Variants in ZNF804A observed in about 807,000 individuals in gnomAD.
The protein encoded by ZNF804A is zinc finger protein 804A.
ZNF804A carries 2 observed loss-of-function variants against 16.5 expected under a neutral mutation model. That is an observed-to-expected ratio of 0.12 (90% confidence interval 0.05 to 0.38). The LOEUF is 0.38. Ranked by LOEUF, ZNF804A falls within the 10% of genes least tolerant of loss-of-function variation. ZNF804A has a pLI of 0.99. For missense variants in ZNF804A, 1,473 were observed against 1,390.7 expected (o/e 1.06, Z -0.94); for synonymous variants, 534 against 489.6 (o/e 1.09, Z -1.20).
intron 1 of ZNF804A, among the ~76,000 whole-genome samples, chr2:184,769,346 C>G (rs566247738): frequency 1.3e-5 from 2 of 152,102 alleles, no homozygotes; most frequent in African/African-American, 4.8e-5. Flanking sequence ...TGCCATTATT[C>G]TGAGGACATA....
At chr2:184,919,166 T>A (rs1438904023) in intron 2 of ZNF804A, among the ~76,000 whole-genome samples, 2 of 152,176 alleles carry the variant, frequency 1.3e-5, no homozygotes, top group African/African-American at 4.8e-5. Context: ...TTTGTGAGAA[T>A]CATTGAGTGC....
chr2:184,655,164 G>T (rs1250808407), intron 1 of ZNF804A, among the ~76,000 whole-genome samples: 1 of 152,146 alleles, frequency 6.6e-6, no homozygotes, highest in East Asian at 1.9e-4. Context: ...TGCCCAGATT[G>T]TTTGCATTCT....
intron 2 of ZNF804A, among the ~76,000 whole-genome samples, chr2:184,884,474 C>A (rs1274740629): frequency 6.6e-6 from 1 of 151,706 alleles, no homozygotes; most frequent in Non-Finnish European, 1.5e-5. Context: ...TGGAGCCAAA[C>A]AAGAGCCCAA....
intron 2 of ZNF804A, among the ~76,000 whole-genome samples, chr2:184,875,304 C>G (rs1696036987): frequency 6.6e-6 from 1 of 152,178 alleles, no homozygotes; most frequent in Admixed American, 6.5e-5. Context: ...GTGCTTGGAT[C>G]TCTGGGCTGA....
At chr2:184,682,166 A>G (rs1185415443) in intron 1 of ZNF804A, among the ~76,000 whole-genome samples, 1 of 152,114 alleles carries the variant, frequency 6.6e-6, no homozygotes, top group African/African-American at 2.4e-5. Context: ...TGATGGCAGG[A>G]GGCAGACACA....
intron 1 of ZNF804A, among the ~76,000 whole-genome samples, chr2:184,654,451 T>C (rs1314605727): frequency 6.6e-6 from 1 of 152,158 alleles, no homozygotes; most frequent in African/African-American, 2.4e-5. Context: ...GCAGAGGTTA[T>C]GGTTTGTTTT....
intron 1 of ZNF804A, among the ~76,000 whole-genome samples, chr2:184,852,298 A>AT (rs1402007490): frequency 1.3e-5 from 2 of 148,336 alleles, no homozygotes. Context: ...GCATTCACCT[A>AT]TTTTTTGGAT....
chr2:184,790,477 G>A lies in ZNF804A; in HGVS notation c.112-75892G>A, dbSNP rs1200529048. ...AGTATTATTTTATTACTATCAATCT[G>A]TTTTCTTAGATATAGCAGTATTTGT... On this transcript the variant is annotated intron_variant, in intron 1 of 3. Transcript: ENST00000302277. Among the ~76,000 whole-genome samples, 3 of 151,736 alleles carry A rather than the reference G, an allele frequency of 2.0e-5. No individual in the cohort carries two copies. In the East Asian group the frequency reaches 5.8e-4, roughly 29 times the overall value.
chr2:184,886,586 G>A (rs1247825293), intron 2 of ZNF804A, among the ~76,000 whole-genome samples: 1 of 152,208 alleles, frequency 6.6e-6, no homozygotes, highest in Non-Finnish European at 1.5e-5. Flanking sequence ...CTTTTGCCTG[G>A]GCATCCAGGC....
At chr2:184,793,887 C>G (rs1297444219) in intron 1 of ZNF804A, among the ~76,000 whole-genome samples, 1 of 152,100 alleles carries the variant, frequency 6.6e-6, no homozygotes, top group African/African-American at 2.4e-5. Context: ...CAATTGGCTG[C>G]AAATGCCATT....
intron 2 of ZNF804A, among the ~76,000 whole-genome samples, chr2:184,904,340 T>C (rs1211915295): frequency 6.6e-6 from 1 of 152,092 alleles, no homozygotes; most frequent in African/African-American, 2.4e-5. Flanking sequence ...AGTTAAAGTG[T>C]TATAGAATGA....
intron 1 of ZNF804A, among the ~76,000 whole-genome samples, chr2:184,713,753 C>T (rs977098354): frequency 6.6e-5 from 10 of 152,012 alleles, no homozygotes; most frequent in African/African-American, 1.9e-4. Flanking sequence ...TTAGTAACTA[C>T]GTGCTAGCTA....
chr2:184,870,916 T>A (rs17509622), intron 2 of ZNF804A, among the ~76,000 whole-genome samples: 4,814 of 151,956 alleles, frequency 0.032, 109 homozygotes, highest in Non-Finnish European at 0.048. Context: ...AATTTACATA[T>A]AATATATGCA....
At chr2:184,896,402 G>A (rs968187547) in intron 2 of ZNF804A, among the ~76,000 whole-genome samples, 2 of 152,110 alleles carry the variant, frequency 1.3e-5, no homozygotes, top group African/African-American at 4.8e-5. Context: ...AAATTTTCCA[G>A]GGAGTCATGG....
At chr2:184,848,377 T>A (rs1029589841) in intron 1 of ZNF804A, among the ~76,000 whole-genome samples, 1 of 152,110 alleles carries the variant, frequency 6.6e-6, no homozygotes, top group Non-Finnish European at 1.5e-5. Context: ...ATTGTTAATA[T>A]AGCTATGAGA....
At chr2:184,752,733 C>T (rs138735303) in intron 1 of ZNF804A, among the ~76,000 whole-genome samples, 2 of 151,516 alleles carry the variant, frequency 1.3e-5, no homozygotes, top group East Asian at 3.9e-4. Flanking sequence ...AAATATATAA[C>T]GTTTAATATT....
At chr2:184,831,539 T>G (rs1460009158) in intron 1 of ZNF804A, among the ~76,000 whole-genome samples, 1 of 152,224 alleles carries the variant, frequency 6.6e-6, no homozygotes, top group East Asian at 1.9e-4. Flanking sequence ...AGCATCAGTG[T>G]TGCTTGAGAA....
intron 1 of ZNF804A, among the ~76,000 whole-genome samples, chr2:184,818,445 T>TA (rs1414630201): frequency 1.3e-5 from 2 of 150,260 alleles, no homozygotes; most frequent in Admixed American, 6.6e-5. Context: ...TACCAGCCAC[T>TA]AAAAAAAATA....
chr2:184,753,852 T>C (rs1294713028), intron 1 of ZNF804A, among the ~76,000 whole-genome samples: 5 of 151,886 alleles, frequency 3.3e-5, no homozygotes, highest in African/African-American at 1.2e-4. Flanking sequence ...TTTTCCTTGC[T>C]AAGTATCCAG....
Sources: allele counts gnomAD v4.1 joint callset (sites outside exome capture counted in the v4.1 genomes callset), GRCh38; gene constraint gnomAD v4.1.1; transcripts MANE v1.5; gene names NCBI Gene and HGNC (gene_info 2026-07-23, HGNC 2026-07-21).